TRADD: variants seen among roughly 807,000 people sequenced by gnomAD.
The protein encoded by TRADD is tumor necrosis factor receptor type 1-associated DEATH domain protein.
In TRADD, 14 loss-of-function variants were observed where a neutral mutation model predicts 31.5. That is an observed-to-expected ratio of 0.44 (90% CI 0.29 to 0.69). The LOEUF (loss-of-function observed/expected upper bound fraction) is 0.69. TRADD is among the 30% of genes least tolerant of loss of function. The pLI is 0.11. For missense variants in TRADD, 388 were observed against 435.7 expected (o/e 0.89, Z 0.97); for synonymous variants, 220 against 215.8 (o/e 1.02, Z -0.17).
intron 1 of TRADD, among the ~76,000 whole-genome samples, chr16:67,157,861 C>G (rs1026582299): frequency 6.6e-6 from 1 of 152,188 alleles, no homozygotes; most frequent in South Asian, 2.1e-4. Flanking sequence ...AGTTACTACC[C>G]CGTGAGACAG....
rs749308230 is a variant in TRADD, at chr16:67,156,466, T to C, written c.151+44A>G. ...AAACCCAGGCCCACCCACAAAATGC[T>C]CCAGGCCACCCCTTCCTCTCCACAT... is the stretch of plus-strand genomic sequence containing the variant. On this transcript the variant is annotated intron_variant, in intron 2 of 4. Coordinates refer to ENST00000345057, the MANE Select transcript of TRADD (RefSeq NM_003789.4). This position sits in a 1 kb window ranked among gnomAD's most constrained non-coding sequence, Gnocchi z 4.6. 6.2e-7 allele frequency: 1 copy of C among 1,604,162 alleles called. No individual in the cohort carries two copies. The highest frequency in any genetic ancestry group is 2.2e-5 in the East Asian group (1 of 44,858).
Position 67,155,214 on chromosome 16 carries a change from AC to A in TRADD, c.509del (p.Gly170ValfsTer21). 1 of 1,589,106 alleles carries A rather than the reference AC, an allele frequency of 6.3e-7. No individual in the cohort carries two copies. On this transcript the variant is annotated frameshift_variant, in exon 4 of 5. Transcript: ENST00000345057. LOFTEE classifies it high-confidence loss of function. ...RNLKCGSGAR[G>X]GDGEVASAPL... Reference sequence around the variant, plus strand: ...GGGCCGAAGCGACCTCCCCGTCGCCACCCCGGGCCCCCGAGCCGCACTTCAG... The same window carrying A: ...GGGCCGAAGCGACCTCCCCGTCGCCACCCGGGCCCCCGAGCCGCACTTCAG...
rs774874994 is a variant in TRADD at position 67,154,895 on chromosome 16, G to C, written c.693C>G (p.Arg231=). ...TFARSVGLKW[R]KVGRSLQRGC... is the part of the protein sequence containing the mutation. ...CTCGCTGCAGTGAGCGCCCCACCTTGCGCCATTTGAGACCCACAGAGCGCG... is the reference window on the plus strand; with the variant it reads ...CTCGCTGCAGTGAGCGCCCCACCTTCCGCCATTTGAGACCCACAGAGCGCG... The change falls in exon 5 of 5, where the codon CGC becomes CGG. Residue 231 remains arginine, a synonymous_variant. Transcript: ENST00000345057. The surrounding 1 kb of genome is among the most constrained non-coding windows in gnomAD (Gnocchi z 5.2). The C allele has an allele frequency of 6.2e-7, 1 of 1,604,032 alleles. No individual in the cohort carries two copies. Among genetic ancestry groups the C allele is most frequent in the South Asian group, 1.1e-5 (1 of 89,738 alleles).
intron 1 of TRADD, among the ~76,000 whole-genome samples, chr16:67,158,309 G>A (rs2030773850): frequency 6.6e-6 from 1 of 152,170 alleles, no homozygotes; most frequent in Non-Finnish European, 1.5e-5. Context: ...GGGACTTTAG[G>A]CACACGCCGC....
In TRADD at chr16:67,154,628, A is replaced by C. The variant is rs569040475; in HGVS notation, c.*21T>G. The C allele has an allele frequency of 6.2e-7, 1 of 1,609,800 alleles. No individual in the cohort carries two copies. Among genetic ancestry groups the C allele is most frequent in the African/African-American group, 1.3e-5 (1 of 74,992 alleles). ...ACCCTAAGGCCATCCAGGTTCTCCA[A>C]AAGCTGGCTGCACCCCTGGTCTAGG... On this transcript the variant is annotated 3_prime_UTR_variant, in exon 5 of 5. Transcript: ENST00000345057. The surrounding 1 kb of genome is among the most constrained non-coding windows in gnomAD (Gnocchi z 5.2).
intron 2 of TRADD, chr16:67,155,870 CAG>C (rs1341212609): frequency 6.6e-7 from 1 of 1,517,396 alleles, no homozygotes; most frequent in Non-Finnish European, 8.8e-7. Context: ...CACCCTAAGA[CAG>C]AGTGGGTGCC....
chr16:67,159,589 T>A lies in TRADD; in HGVS notation c.-9+249A>T, dbSNP rs568891092. Among the ~76,000 whole-genome samples, 117 of 151,882 alleles carry A rather than the reference T, an allele frequency of 7.7e-4. No individual in the cohort carries two copies. Among genetic ancestry groups the A allele is most frequent in the Non-Finnish European group, 1.6e-3 (109 of 67,968 alleles). On this transcript the variant is annotated intron_variant, in intron 1 of 4. Transcript: ENST00000345057. This position sits in a 1 kb window ranked among gnomAD's most constrained non-coding sequence, Gnocchi z 6.8. Reference sequence around the variant, plus strand: ...GAAAGTATTCAGAACCAGCCCCTTCTCCCCCACCCTCTCTCCTGCAGGGCC... The same window carrying A: ...GAAAGTATTCAGAACCAGCCCCTTCACCCCCACCCTCTCTCCTGCAGGGCC...
In TRADD at chr16:67,154,988, G is replaced by A. The variant is rs780740580; in HGVS notation, c.629-29C>T. On this transcript the variant is annotated intron_variant, in intron 4 of 4. Coordinates refer to ENST00000345057, the MANE Select transcript of TRADD (RefSeq NM_003789.4). This position sits in a 1 kb window ranked among gnomAD's most constrained non-coding sequence, Gnocchi z 5.2. ...CAGAGGGAGTGGGGAAACGGGGTGAGGGCGGGGACCCCCAGCGCCGGTCCC... is the reference window on the plus strand; with the variant it reads ...CAGAGGGAGTGGGGAAACGGGGTGAAGGCGGGGACCCCCAGCGCCGGTCCC... The A allele has an allele frequency of 1.3e-6, 2 of 1,599,136 alleles. No individual in the cohort carries two copies. Among genetic ancestry groups the A allele is most frequent in the African/African-American group, 2.7e-5 (2 of 74,670 alleles).
At position 67,155,488 on chromosome 16, in the gene TRADD, C is replaced by A. The variant is rs2030651114; in HGVS notation, c.318G>T (p.Ala106=). ...GCAGCGGCACCGAGTGCTGGGCGAGCGCGGCCGCCAGGCTCCTCTGCAGCG... is the reference window on the plus strand; with the variant it reads ...GCAGCGGCACCGAGTGCTGGGCGAGAGCGGCCGCCAGGCTCCTCTGCAGCG... ...RAALQRSLAA[A]LAQHSVPLQL... The change falls in exon 3 of 5, where the codon GCG becomes GCT. Residue 106 remains alanine, a synonymous_variant. Coordinates refer to ENST00000345057, the MANE Select transcript of TRADD (RefSeq NM_003789.4). 5.8e-6 allele frequency: 9 copies of A among 1,563,802 alleles called. No homozygotes were observed. The highest frequency in any genetic ancestry group is 1.8e-5 in the Admixed American group (1 of 54,902).
rs1391620910 is a variant in TRADD, at chr16:67,154,634, G to A, written c.*15C>T. On this transcript the variant is annotated 3_prime_UTR_variant, in exon 5 of 5. Transcript: ENST00000345057. The surrounding 1 kb of genome is among the most constrained non-coding windows in gnomAD (Gnocchi z 5.2). The stretch of plus-strand genomic sequence containing the variant: ...AGGCCATCCAGGTTCTCCAAAAGCT[G>A]GCTGCACCCCTGGTCTAGGCCAGGC... 4 of 1,610,748 alleles carry A rather than the reference G, an allele frequency of 2.5e-6. No homozygotes were observed. In the East Asian group the frequency reaches 6.7e-5, roughly 27 times the overall value.
In TRADD at chr16:67,159,689, A is replaced by T. The variant is rs1161207372; in HGVS notation, c.-9+149T>A. The T allele has an allele frequency of 6.6e-6, 1 of 152,146 alleles. No individual in the cohort carries two copies. The highest frequency in any genetic ancestry group is 2.4e-5 in the African/African-American group (1 of 41,382). 9.4% of individuals were successfully genotyped at this position (152,146 alleles called of 1,614,324 possible). On this transcript the variant is annotated intron_variant, in intron 1 of 4. Coordinates refer to ENST00000345057, the MANE Select transcript of TRADD (RefSeq NM_003789.4). The surrounding 1 kb of genome is among the most constrained non-coding windows in gnomAD (Gnocchi z 6.8). ...AATTCCGTACCGTCCCCCGCCTCCCACGGTGTTCGAACAGCTCAGTAGACC... is the reference window on the plus strand; with the variant it reads ...AATTCCGTACCGTCCCCCGCCTCCCTCGGTGTTCGAACAGCTCAGTAGACC...
At chr16:67,155,902 G>A (rs1357824817) in intron 2 of TRADD, 2 of 1,520,986 alleles carry the variant, frequency 1.3e-6, no homozygotes, top group African/African-American at 2.8e-5. Flanking sequence ...CCGCTCTCAC[G>A]CCCCAAATGA....
chr16:67,154,862 C>G lies in TRADD; in HGVS notation c.726G>C (p.Arg242=). ...KVGRSLQRGC[R]ALRDPALDSL... is the part of the protein sequence containing the mutation. Reference sequence around the variant, plus strand: ...AGTCCAGCGCCGGGTCCCGCAGCGCCCGGCAGCCTCGCTGCAGTGAGCGCC... The same window carrying G: ...AGTCCAGCGCCGGGTCCCGCAGCGCGCGGCAGCCTCGCTGCAGTGAGCGCC... Residue 242 remains arginine, a synonymous_variant, in exon 5 of 5, where the codon CGG becomes CGC. Coordinates refer to ENST00000345057, the MANE Select transcript of TRADD (RefSeq NM_003789.4). The surrounding 1 kb of genome is among the most constrained non-coding windows in gnomAD (Gnocchi z 5.2). 6.3e-7 allele frequency: 1 copy of G among 1,597,446 alleles called. No individual in the cohort carries two copies. Among genetic ancestry groups the G allele is most frequent in the East Asian group, 2.3e-5 (1 of 43,454 alleles).
chr16:67,155,036 C>A (rs1352703069), intron 4 of TRADD, 60 bp downstream of exon 4: 2 of 1,537,794 alleles, frequency 1.3e-6, no homozygotes, highest in African/African-American at 1.4e-5. Context: ...CCGGCAACGA[C>A]CCCTGCCCCT....
rs1472566431 is a variant in TRADD, at chr16:67,156,538, C to T, written c.123G>A (p.Val41=). The change falls in exon 2 of 5, where the codon GTG becomes GTA. Residue 41 remains valine (V), a synonymous_variant. Coordinates refer to ENST00000345057, the MANE Select transcript of TRADD (RefSeq NM_003789.4). This position sits in a 1 kb window ranked among gnomAD's most constrained non-coding sequence, Gnocchi z 4.6. ...AYAHPQQKVA[V]YRALQAALAE... The stretch of plus-strand genomic sequence containing the variant: ...CCAAGGCAGCCTGCAGAGCCCTGTA[C>T]ACTGCCACCTTCTGCTGGGGGTGCG... 6.2e-7 allele frequency: 1 copy of T among 1,613,598 alleles called. No homozygotes were observed. Among genetic ancestry groups the T allele is most frequent in the Non-Finnish European group, 8.5e-7 (1 of 1,180,038 alleles).
chr16:67,155,686 TC>T (rs2030666290), intron 2 of TRADD, 32 bp from the exon 3 acceptor site: 1 of 1,541,214 alleles, frequency 6.5e-7, no homozygotes, highest in Non-Finnish European at 8.7e-7. Flanking sequence ...CGCCGGGCGG[TC>T]CCCAAGCTCG....
rs2030713248 is a variant in TRADD at position 67,156,703 on chromosome 16, C to T, written c.-8-35G>A. Reference sequence around the variant, plus strand: ...CAGACAGTCAGGTATCCAGTTCATCCCCCCTCCCTCCACCCTGGAGACAAC... The same window carrying T: ...CAGACAGTCAGGTATCCAGTTCATCTCCCCTCCCTCCACCCTGGAGACAAC... On this transcript the variant is annotated intron_variant, in intron 1 of 4. Coordinates refer to ENST00000345057, the MANE Select transcript of TRADD (RefSeq NM_003789.4). This position sits in a 1 kb window ranked among gnomAD's most constrained non-coding sequence, Gnocchi z 4.6. 7.4e-6 allele frequency: 12 copies of T among 1,611,120 alleles called. No homozygotes were observed. Among genetic ancestry groups the T allele is most frequent in the Non-Finnish European group, 1.0e-5 (12 of 1,179,968 alleles).
Position 67,154,847 on chromosome 16 carries a change from C to G in TRADD, c.741G>C (p.Pro247=), listed in dbSNP as rs375880659. The change falls in exon 5 of 5, where the codon CCG becomes CCC. Residue 247 remains proline (P), a synonymous_variant. Transcript: ENST00000345057. This position sits in a 1 kb window ranked among gnomAD's most constrained non-coding sequence, Gnocchi z 5.2. ...LQRGCRALRD[P]ALDSLAYEYE... is the part of the protein sequence containing the mutation. ...ACTCGTAGGCCAGCGAGTCCAGCGCCGGGTCCCGCAGCGCCCGGCAGCCTC... is the reference window on the plus strand; with the variant it reads ...ACTCGTAGGCCAGCGAGTCCAGCGCGGGGTCCCGCAGCGCCCGGCAGCCTC... 2 of 1,592,838 alleles carry G rather than the reference C, an allele frequency of 1.3e-6. No homozygotes were observed. The highest frequency in any genetic ancestry group is 1.1e-5 in the South Asian group (1 of 88,416).
In TRADD at chr16:67,156,281, TGGA is replaced by T; in HGVS notation, c.151+226_151+228del. 8.5e-7 allele frequency: 1 copy of T among 1,182,422 alleles called. No homozygotes were observed. Among genetic ancestry groups the T allele is most frequent in the Non-Finnish European group, 1.2e-6 (1 of 846,068 alleles). 73.2% of individuals were successfully genotyped at this position (1,182,422 alleles called of 1,614,324 possible). A position where few individuals can be genotyped will look rare whatever the true frequency, so the allele number is the denominator to read the frequency against. ...GCCGGCTGGTGGAGGGGGGCGGGGATGGAGCAAAGGACGTTAGTGCACAAATTG... is the reference window on the plus strand; with the variant it reads ...GCCGGCTGGTGGAGGGGGGCGGGGATGCAAAGGACGTTAGTGCACAAATTG... On this transcript the variant is annotated intron_variant, in intron 2 of 4. Transcript: ENST00000345057. This position sits in a 1 kb window ranked among gnomAD's most constrained non-coding sequence, Gnocchi z 4.6.
Sources: allele counts gnomAD v4.1 joint callset (sites outside exome capture counted in the v4.1 genomes callset), GRCh38; gene constraint gnomAD v4.1.1; non-coding constraint Gnocchi (gnomAD v3.1); transcripts MANE v1.5; gene names NCBI Gene and HGNC (gene_info 2026-07-23, HGNC 2026-07-21).